Variants in KLHL4 observed in about 807,000 individuals in gnomAD.
KLHL4 encodes kelch like family member 4.
KLHL4 carries 17 observed loss-of-function variants against 45.8 expected under a neutral mutation model. The observed-to-expected ratio is 0.37, with a 90% CI of 0.25 to 0.56. The LOEUF is 0.56. Ranked by LOEUF, KLHL4 falls within the 20% of genes least tolerant of loss-of-function variation. KLHL4 has a pLI of 0.79. For missense variants in KLHL4, 544 were observed against 544.9 expected, an observed-to-expected ratio of 1.00 and a Z score of 0.02; for synonymous variants, 224 against 189.9, an observed-to-expected ratio of 1.18 and a Z score of -1.47.
intron 1 of KLHL4, among the ~76,000 whole-genome samples, chrX:87,526,755 A>C (rs1198909427): frequency 8.9e-6 from 1 of 112,078 alleles, no homozygotes; most frequent in Non-Finnish European, 1.9e-5. Flanking sequence ...GAAATGAAAG[A>C]CATATATTGG....
intron 1 of KLHL4, among the ~76,000 whole-genome samples, chrX:87,534,141 G>A (rs760872987): frequency 1.8e-5 from 2 of 111,426 alleles, no homozygotes; most frequent in East Asian, 5.7e-4. Flanking sequence ...AATAATGGGG[G>A]CAGTTCATTT....
intron 1 of KLHL4, among the ~76,000 whole-genome samples, chrX:87,522,680 T>TC (rs1443444297): frequency 1.8e-5 from 2 of 112,593 alleles, no homozygotes; most frequent in Non-Finnish European, 3.7e-5. Context: ...AGGTTAAATC[T>TC]TTTTGCCTAT....
At chrX:87,536,841 C>T (rs763044528) in intron 1 of KLHL4, among the ~76,000 whole-genome samples, 2 of 111,180 alleles carry the variant, frequency 1.8e-5, no homozygotes, top group South Asian at 7.5e-4. Flanking sequence ...TATAATAGTG[C>T]TCCTAAGATT....
intron 1 of KLHL4, among the ~76,000 whole-genome samples, chrX:87,579,811 C>T (rs1921216107): frequency 8.9e-6 from 1 of 112,064 alleles, no homozygotes; most frequent in Non-Finnish European, 1.9e-5. Context: ...ACCACTGGAT[C>T]TGCCTTACAA....
chrX:87,614,327 A>G, intron 2 of KLHL4, 107 bp from the exon 3 acceptor site: 2 of 765,058 alleles, frequency 2.6e-6, no homozygotes. Context: ...TAAAGATTTT[A>G]TGGAGAAAAC....
intron 1 of KLHL4, among the ~76,000 whole-genome samples, chrX:87,564,010 ACTC>A (rs1165262639): frequency 1.8e-5 from 2 of 110,310 alleles, no homozygotes; most frequent in African/African-American, 3.3e-5. Flanking sequence ...ATGTTGATGA[ACTC>A]CTCCTGCTAA....
intron 1 of KLHL4, among the ~76,000 whole-genome samples, chrX:87,602,981 T>C (rs888390975): frequency 1.8e-5 from 2 of 111,666 alleles, no homozygotes; most frequent in Non-Finnish European, 3.8e-5. Context: ...TTTTAAATCA[T>C]AAAGAATGGG....
intron 1 of KLHL4, among the ~76,000 whole-genome samples, chrX:87,599,607 A>G (rs1188699211): frequency 9.1e-6 from 1 of 110,330 alleles, no homozygotes; most frequent in East Asian, 2.8e-4. Context: ...ACTTTATCCT[A>G]TAAATGGTTT....
chrX:87,573,762 G>C (rs759788384), intron 1 of KLHL4, among the ~76,000 whole-genome samples: 1 of 111,482 alleles, frequency 9.0e-6, no homozygotes, highest in Non-Finnish European at 1.9e-5. Context: ...CTGATGATTT[G>C]AATACATACT....
At chrX:87,572,669 C>A (rs963023364) in intron 1 of KLHL4, among the ~76,000 whole-genome samples, 1 of 110,086 alleles carries the variant, frequency 9.1e-6, no homozygotes, top group South Asian at 3.8e-4. Context: ...AATTACCTGG[C>A]ACTTAGCATC....
At chrX:87,601,323 C>T (rs199869681) in intron 1 of KLHL4, among the ~76,000 whole-genome samples, 4 of 111,288 alleles carry the variant, frequency 3.6e-5, no homozygotes, top group South Asian at 7.6e-4. Flanking sequence ...GGCATGGTTC[C>T]GGAGTTTGCA....
At chrX:87,535,091 A>G (rs1931401033) in intron 1 of KLHL4, among the ~76,000 whole-genome samples, 1 of 112,132 alleles carries the variant, frequency 8.9e-6, no homozygotes, top group African/African-American at 3.2e-5. Context: ...CACAGCTAGT[A>G]CATATCTGAG....
chrX:87,544,776 G>C (rs1931638564), intron 1 of KLHL4, among the ~76,000 whole-genome samples: 1 of 111,722 alleles, frequency 9.0e-6, no homozygotes, highest in African/African-American at 3.3e-5. Context: ...AGCAGATATA[G>C]CTTAGATCAT....
intron 1 of KLHL4, among the ~76,000 whole-genome samples, chrX:87,555,685 A>AT (rs1298256700): frequency 9.4e-6 from 1 of 105,863 alleles, no homozygotes; most frequent in Non-Finnish European, 2.0e-5. Flanking sequence ...GGATTCATTA[A>AT]TTTTTTGAAG....
At chrX:87,527,639 C>T (rs1419006725) in intron 1 of KLHL4, among the ~76,000 whole-genome samples, 3 of 109,894 alleles carry the variant, frequency 2.7e-5, no homozygotes, top group African/African-American at 1.0e-4. Flanking sequence ...GCTTTCCACC[C>T]CCACACATCC....
At chrX:87,607,668 A>G (rs980483180) in intron 1 of KLHL4, among the ~76,000 whole-genome samples, 14 of 112,121 alleles carry the variant, frequency 1.2e-4, no homozygotes, top group Admixed American at 9.5e-5. Context: ...GTAATGCTAC[A>G]TAGTCCTAAT....
intron 9 of KLHL4, among the ~76,000 whole-genome samples, chrX:87,648,255 T>C (rs1221566540): frequency 1.8e-5 from 2 of 111,422 alleles, no homozygotes; most frequent in East Asian, 5.6e-4. Context: ...GTGAGCATAA[T>C]TTTGGAAACA....
chrX:87,575,401 C>A (rs961019754), intron 1 of KLHL4, among the ~76,000 whole-genome samples: 5 of 111,621 alleles, frequency 4.5e-5, no homozygotes, highest in African/African-American at 1.6e-4. Context: ...AGTCTCATCC[C>A]GAAACCATCC....
At chrX:87,527,283 T>C (rs1384821708) in intron 1 of KLHL4, among the ~76,000 whole-genome samples, 4 of 111,817 alleles carry the variant, frequency 3.6e-5, no homozygotes, top group African/African-American at 6.5e-5. Flanking sequence ...CGTAAGCTGT[T>C]GCATCATAGC....
Sources: allele counts gnomAD v4.1 joint callset (sites outside exome capture counted in the v4.1 genomes callset), GRCh38; gene constraint gnomAD v4.1.1; transcripts MANE v1.5; gene names NCBI Gene and HGNC (gene_info 2026-07-23, HGNC 2026-07-21).